HMCN1: variants seen among roughly 807,000 people sequenced by gnomAD.
HMCN1 encodes the protein hemicentin 1.
HMCN1 carries 321 observed loss-of-function variants against 625.9 expected under a neutral mutation model. The ratio of observed to expected loss-of-function variants is 0.51; its 90% CI spans 0.47 to 0.56. HMCN1 has a LOEUF of 0.56. HMCN1 is among the 20% of genes least tolerant of loss of function. HMCN1 has a pLI of 0.00. For missense variants in HMCN1, 6,588 were observed against 6,887.3 expected, an observed-to-expected ratio of 0.96 and a Z score of 1.54; for synonymous variants, 2,425 against 2,417.6, an observed-to-expected ratio of 1.00 and a Z score of -0.09.
intron 4 of HMCN1, among the ~76,000 whole-genome samples, chr1:185,898,296 A>G (rs376508853): frequency 2.6e-5 from 4 of 152,248 alleles, no homozygotes; most frequent in East Asian, 1.9e-4. Flanking sequence ...AAGGTTAGTC[A>G]CTTCACTACC....
At chr1:185,824,460 G>A (rs73072056) in intron 1 of HMCN1, among the ~76,000 whole-genome samples, 16,557 of 152,058 alleles carry the variant, frequency 0.11, 2,924 homozygotes, top group African/African-American at 0.37. Flanking sequence ...GTGTAACCCT[G>A]TAAATATACC....
rs541842182 is a variant in HMCN1, at chr1:186,060,249, G to A, written c.7313-1602G>A. Reference sequence around the variant, plus strand: ...AACAGAAAACAGATAGAATACCCCTGGGAAACCAGACCCAGGTGAACATTT... The same window carrying A: ...AACAGAAAACAGATAGAATACCCCTAGGAAACCAGACCCAGGTGAACATTT... On this transcript the variant is annotated intron_variant, in intron 46 of 106. Coordinates refer to ENST00000271588, the MANE Select transcript of HMCN1 (RefSeq NM_031935.3). 6.6e-5 allele frequency among the ~76,000 whole-genome samples: 10 copies of A among 152,050 alleles called. No homozygotes were observed. The East Asian group carries it at 1.7e-3, about 26-fold the overall frequency.
chr1:186,079,298 T>A (rs1659023893), intron 55 of HMCN1, among the ~76,000 whole-genome samples: 1 of 152,082 alleles, frequency 6.6e-6, no homozygotes, highest in African/African-American at 2.4e-5. Context: ...CTTAACTCTT[T>A]CTCTCTGGGG....
At chr1:185,735,094 A>G (rs1388924553) in intron 1 of HMCN1, 47 bp downstream of exon 1, 3 of 1,555,042 alleles carry the variant, frequency 1.9e-6, no homozygotes, top group South Asian at 2.2e-5. Flanking sequence ...TCATGATTAC[A>G]TTATTTCTCA....
rs146645808 is a variant in HMCN1, at chr1:185,999,238, TTTATTA to T, written c.3875-799_3875-794del. Among the ~76,000 whole-genome samples, 697 of 152,150 alleles carry T rather than the reference TTTATTA, an allele frequency of 4.6e-3. 9 individuals are homozygous for T. Among genetic ancestry groups the T allele is most frequent in the African/African-American group, 0.016 (677 of 41,536 alleles). On this transcript the variant is annotated intron_variant, in intron 25 of 106. Coordinates refer to ENST00000271588, the MANE Select transcript of HMCN1 (RefSeq NM_031935.3). ...ATCATGTAATTTTTATTTAATGTTT[TTTATTA>T]TTATTATGGAGATTAAATAATTTTT...
At chr1:186,115,218 GCTGA>G in intron 74 of HMCN1, 36 bp from the exon 75 acceptor site, 1 of 1,610,606 alleles carries the variant, frequency 6.2e-7, no homozygotes, top group Non-Finnish European at 8.5e-7. Flanking sequence ...CACGCTATTT[GCTGA>G]CTGTGTTTCC....
Position 185,864,632 on chromosome 1 carries a change from A to G in HMCN1, c.498+4A>G, listed in dbSNP as rs1163566211. 1 of 1,613,706 alleles carries G rather than the reference A, an allele frequency of 6.2e-7. No individual in the cohort carries two copies. The highest frequency in any genetic ancestry group is 1.3e-5 in the African/African-American group (1 of 74,934). ...TATCCAACAGAAACAGTCACAAGTG[A>G]GTAAGAATCAACCCCAAACGTCTCT... On this transcript the variant is annotated splice_donor_region_variant and intron_variant, in intron 3 of 106. Transcript: ENST00000271588.
intron 2 of HMCN1, among the ~76,000 whole-genome samples, chr1:185,859,918 G>T (rs1662757740): frequency 6.6e-6 from 1 of 151,950 alleles, no homozygotes; most frequent in African/African-American, 2.4e-5. Flanking sequence ...CAGTCTGTGT[G>T]CCTCAGCCTC....
intron 42 of HMCN1, among the ~76,000 whole-genome samples, chr1:186,050,147 T>A (rs1460941071): frequency 4.0e-5 from 6 of 151,360 alleles, no homozygotes; most frequent in African/African-American, 2.4e-5. Context: ...CTAGGCTAAG[T>A]GTTATCAAGT....
rs768529985 is a variant in HMCN1 at position 186,001,756 on chromosome 1, C to T, written c.4348+15C>T. The T allele has an allele frequency of 1.9e-6, 3 of 1,604,280 alleles. No homozygotes were observed. The highest frequency in any genetic ancestry group is 2.6e-6 in the Non-Finnish European group (3 of 1,171,822). ...TGATGTGCTAGGTAAGAAATACATC[C>T]TTTTAAAAAACTACAATTCAGAAGC... On this transcript the variant is annotated intron_variant, in intron 28 of 106. Transcript: ENST00000271588.
chr1:185,892,213 T>TA (rs1665146577), intron 4 of HMCN1, among the ~76,000 whole-genome samples: 1 of 149,218 alleles, frequency 6.7e-6, no homozygotes, highest in Non-Finnish European at 1.5e-5. Context: ...TACATTCTTC[T>TA]AAATTTTTTT....
chr1:186,100,793 G>A (rs757703370), intron 68 of HMCN1, among the ~76,000 whole-genome samples: 17 of 152,078 alleles, frequency 1.1e-4, no homozygotes, highest in Non-Finnish European at 1.6e-4. Flanking sequence ...TGTTGGATTG[G>A]TTCAGCAGTT....
intron 11 of HMCN1, among the ~76,000 whole-genome samples, chr1:185,944,696 A>G (rs1378768441): frequency 2.0e-5 from 3 of 152,196 alleles, no homozygotes; most frequent in African/African-American, 7.2e-5. Flanking sequence ...AGCTGTAAAT[A>G]TGCTACCCAA....
At chr1:185,736,360 G>C (rs1262241288) in intron 1 of HMCN1, among the ~76,000 whole-genome samples, 1 of 152,056 alleles carries the variant, frequency 6.6e-6, no homozygotes, top group Middle Eastern at 3.4e-3. Flanking sequence ...ATAAAGAATT[G>C]AATGATTATT....
chr1:185,918,680 C>G (rs1228636965), intron 6 of HMCN1, among the ~76,000 whole-genome samples: 2 of 152,190 alleles, frequency 1.3e-5, no homozygotes, highest in Non-Finnish European at 2.9e-5. Flanking sequence ...GTATTCCTGA[C>G]TCAGACCCCT....
intron 46 of HMCN1, among the ~76,000 whole-genome samples, 163 bp from the exon 47 acceptor site, chr1:186,061,688 G>A (rs1657714360): frequency 6.6e-6 from 1 of 151,876 alleles, no homozygotes; most frequent in South Asian, 2.1e-4. Context: ...TTGTTTTATA[G>A]AAGTTTAAAA....
intron 1 of HMCN1, among the ~76,000 whole-genome samples, chr1:185,802,408 C>T (rs574676240): frequency 9.2e-5 from 14 of 151,728 alleles, no homozygotes; most frequent in South Asian, 2.1e-4. Context: ...AATCACCATG[C>T]GTAGTTTTTA....
chr1:185,740,093 G>A lies in HMCN1; in HGVS notation c.268+5046G>A, dbSNP rs931893484. 3.3e-5 allele frequency among the ~76,000 whole-genome samples: 5 copies of A among 152,304 alleles called. No individual in the cohort carries two copies. The South Asian group carries it at 1.0e-3, about 32-fold the overall frequency. On this transcript the variant is annotated intron_variant, in intron 1 of 106. Transcript: ENST00000271588. Reference sequence around the variant, plus strand: ...TGATAGGAAGAAGTTAGAGGGTGAAGTCAGAAATATGGTTGAGTCATTTCA... The same window carrying A: ...TGATAGGAAGAAGTTAGAGGGTGAAATCAGAAATATGGTTGAGTCATTTCA...
intron 52 of HMCN1, among the ~76,000 whole-genome samples, chr1:186,071,448 T>C (rs1658476788): frequency 6.6e-6 from 1 of 152,166 alleles, no homozygotes; most frequent in African/African-American, 2.4e-5. Flanking sequence ...TCCATGCATG[T>C]TTTAAAAGAC....
Sources: gnomAD v4.1 joint callset for allele counts (sites outside exome capture counted in the v4.1 genomes callset) on GRCh38, gnomAD v4.1.1 for gene constraint, MANE v1.5 for transcripts, NCBI Gene and HGNC (gene_info 2026-07-23, HGNC 2026-07-21) for gene names.